C10orf90: variants seen among roughly 807,000 people sequenced by gnomAD.
C10orf90 encodes the protein chromosome 10 open reading frame 90, also known as (E2-independent) E3 ubiquitin-conjugating enzyme FATS.
Under a neutral mutation model 62.5 loss-of-function variants are expected in C10orf90, and 56 were observed. The ratio of observed to expected loss-of-function variants is 0.90; its 90% CI spans 0.72 to 1.12. C10orf90 has a LOEUF of 1.12. Ranked by LOEUF, C10orf90 falls within the 50% of genes most tolerant of loss-of-function variation. The pLI is 0.00. For missense variants in C10orf90, 970 were observed against 880.4 expected, an observed-to-expected ratio of 1.10 and a Z score of -1.29; for synonymous variants, 386 against 340.4, an observed-to-expected ratio of 1.13 and a Z score of -1.47.
At chr10:126,486,860 A>G (rs950575129) in intron 4 of C10orf90, among the ~76,000 whole-genome samples, 2 of 152,096 alleles carry the variant, frequency 1.3e-5, no homozygotes, top group African/African-American at 4.8e-5. Flanking sequence ...AAATAGAATG[A>G]GGCCAGCAGC....
intron 2 of C10orf90, among the ~76,000 whole-genome samples, chr10:126,600,124 GGTGTGTGCATCGCAT>G (rs1845168539): frequency 6.8e-6 from 1 of 147,594 alleles, no homozygotes; most frequent in African/African-American, 2.7e-5. Context: ...TGTGCACGCA[GGTGTGTGCATCGCAT>G]GTGTGTGCAC....
intron 7 of C10orf90, among the ~76,000 whole-genome samples, chr10:126,442,265 C>T (rs1190014537): frequency 1.3e-5 from 2 of 151,120 alleles, no homozygotes; most frequent in Non-Finnish European, 3.0e-5. Flanking sequence ...ATTCTTACAT[C>T]AGACAAAACA....
At chr10:126,639,211 G>C (rs1460894456) in intron 2 of C10orf90, among the ~76,000 whole-genome samples, 1 of 152,164 alleles carries the variant, frequency 6.6e-6, no homozygotes, top group Non-Finnish European at 1.5e-5. Context: ...CTTGATCGGT[G>C]ATTCAGATGC....
intron 2 of C10orf90, among the ~76,000 whole-genome samples, chr10:126,532,274 T>C (rs1864114604): frequency 6.6e-6 from 1 of 152,188 alleles, no homozygotes. Context: ...TTGGGCGGTA[T>C]CAAATGCTCA....
At chr10:126,535,872 C>T (rs921025428) in intron 2 of C10orf90, among the ~76,000 whole-genome samples, 6 of 152,270 alleles carry the variant, frequency 3.9e-5, no homozygotes, top group Admixed American at 1.3e-4. Flanking sequence ...GCTAGGAGTG[C>T]GCACTGGAAT....
At chr10:126,482,462 C>A (rs1000080141) in intron 4 of C10orf90, among the ~76,000 whole-genome samples, 8 of 152,178 alleles carry the variant, frequency 5.3e-5, no homozygotes, top group African/African-American at 1.9e-4. Flanking sequence ...AACTAAATGG[C>A]AAACTTGACT....
chr10:126,448,246 T>G (rs935393200), intron 7 of C10orf90, among the ~76,000 whole-genome samples: 1 of 151,766 alleles, frequency 6.6e-6, no homozygotes, highest in Non-Finnish European at 1.5e-5. Flanking sequence ...TTCATAGATA[T>G]GTGAAAATTA....
At chr10:126,513,428 G>A (rs1427110081) in intron 3 of C10orf90, among the ~76,000 whole-genome samples, 3 of 152,112 alleles carry the variant, frequency 2.0e-5, no homozygotes, top group African/African-American at 4.8e-5. Context: ...TGTTCCCTAC[G>A]ATCTGAAATA....
chr10:126,659,986 G>C (rs1416760504), intron 1 of C10orf90, among the ~76,000 whole-genome samples: 1 of 152,258 alleles, frequency 6.6e-6, no homozygotes, highest in Admixed American at 6.5e-5. Context: ...AGCTAGAGCA[G>C]ATGATGTGCA....
intron 4 of C10orf90, among the ~76,000 whole-genome samples, chr10:126,494,770 G>A (rs1360835091): frequency 1.3e-4 from 20 of 152,288 alleles, no homozygotes; most frequent in African/African-American, 4.3e-4. Flanking sequence ...TATGACTTTC[G>A]CGGTTCCTAC....
intron 2 of C10orf90, among the ~76,000 whole-genome samples, chr10:126,610,911 T>A (rs372872386): frequency 1.2e-3 from 182 of 152,234 alleles, no homozygotes; most frequent in African/African-American, 4.3e-3. Context: ...GGAGGTGGGG[T>A]GGGAGTCTCT....
rs1402141159 is a variant in C10orf90 at position 126,505,018 on chromosome 10, T to C, written c.473A>G (p.Asn158Ser). ...SIVISQMIDE[N>S]KSRENRASLP... ...GGAGGCCCTGTTTTCTCTTGACTTA[T>C]TCTCATCAATCATCTGGGAGATGAC... The change falls in exon 4 of 10, where the codon AAT (asparagine) becomes AGT (serine). Residue 158 changes from asparagine to serine, a missense_variant. Transcript: ENST00000488181. The C allele has an allele frequency of 6.8e-6, 11 of 1,614,094 alleles. No individual in the cohort carries two copies. The South Asian group carries it at 9.9e-5, about 14-fold the overall frequency.
chr10:126,661,939 C>T (rs1846523677), intron 1 of C10orf90, among the ~76,000 whole-genome samples: 1 of 152,042 alleles, frequency 6.6e-6, no homozygotes, highest in Admixed American at 6.6e-5. Flanking sequence ...CTAATTCTCT[C>T]ATTTGCATCA....
rs548668948 is a variant in C10orf90, at chr10:126,559,471, C to A, written c.314-45532G>T. ...GTTCTGTGTTTGCAGCAGTGAATAT[C>A]TCTTACAGTGATATTCAGAATTGTC... On this transcript the variant is annotated intron_variant, in intron 2 of 9. Transcript: ENST00000488181. 2.6e-5 allele frequency among the ~76,000 whole-genome samples: 4 copies of A among 152,298 alleles called. No homozygotes were observed. In the South Asian group the frequency reaches 8.3e-4, roughly 32 times the overall value.
At position 126,453,269 on chromosome 10, in the gene C10orf90, G is replaced by T. The variant is rs562992399; in HGVS notation, c.2188+5771C>A. On this transcript the variant is annotated intron_variant, in intron 7 of 9. Transcript: ENST00000488181. This position sits in a 1 kb window ranked among gnomAD's most constrained non-coding sequence, Gnocchi z 4.9. ...TGTGCTAGATGCAGCAGGGCCTCTCGCAGTGATTTGGTGTGGAGTATGCCC... is the reference window on the plus strand; with the variant it reads ...TGTGCTAGATGCAGCAGGGCCTCTCTCAGTGATTTGGTGTGGAGTATGCCC... Among the ~76,000 whole-genome samples the T allele has an allele frequency of 2.6e-5, 4 of 152,262 alleles. No individual in the cohort carries two copies. Among genetic ancestry groups the T allele is most frequent in the East Asian group, 1.9e-4 (1 of 5,178 alleles).
intron 5 of C10orf90, 74 bp from the exon 6 acceptor site, chr10:126,461,659 C>T (rs1362975737): frequency 1.4e-6 from 2 of 1,412,682 alleles, no homozygotes; most frequent in South Asian, 1.3e-5. Context: ...TACCATTAGA[C>T]ACAGAAGACA....
At chr10:126,571,495 A>G (rs1844505141) in intron 2 of C10orf90, among the ~76,000 whole-genome samples, 2 of 152,220 alleles carry the variant, frequency 1.3e-5, no homozygotes, top group African/African-American at 4.8e-5. Flanking sequence ...GGAAGCCTCC[A>G]GGCATACCTG....
chr10:126,495,658 A>G (rs1862005636), intron 4 of C10orf90, among the ~76,000 whole-genome samples: 2 of 152,240 alleles, frequency 1.3e-5, no homozygotes, highest in Admixed American at 1.3e-4. Flanking sequence ...ATCACATTTT[A>G]CAGAAAGATA....
chr10:126,460,864 G>A (rs1211832569), intron 6 of C10orf90, among the ~76,000 whole-genome samples: 1 of 152,186 alleles, frequency 6.6e-6, no homozygotes, highest in Non-Finnish European at 1.5e-5. Flanking sequence ...GAGGTTGTTT[G>A]CCTTCCTAAT....
Sources: gnomAD v4.1 joint callset for allele counts (sites outside exome capture counted in the v4.1 genomes callset) on GRCh38, gnomAD v4.1.1 for gene constraint, Gnocchi (gnomAD v3.1) non-coding constraint, MANE v1.5 for transcripts, NCBI Gene and HGNC (gene_info 2026-07-23, HGNC 2026-07-21) for gene names.